Variants in TNKS2 observed in about 807,000 individuals in gnomAD.
TNKS2 encodes tankyrase 2.
In TNKS2, 72 loss-of-function variants were observed where a neutral mutation model predicts 137.6. The ratio of observed to expected loss-of-function variants is 0.52; its 90% confidence interval spans 0.43 to 0.64. TNKS2 has a LOEUF of 0.64. TNKS2 is among the 30% of genes least tolerant of loss of function. TNKS2 has a pLI of 0.00. For synonymous variants in TNKS2, 516 were observed against 512.1 expected, an observed-to-expected ratio of 1.01 and a Z score of -0.10; for missense variants, 1,049 against 1,410.2, an observed-to-expected ratio of 0.74 and a Z score of 4.10.
chr10:91,862,909 A>G (rs753824099), intron 26 of TNKS2, 28 bp from the exon 27 acceptor site: 5 of 1,543,132 alleles, frequency 3.2e-6, no homozygotes, highest in East Asian at 2.2e-5. Context: ...TTTTTGTACC[A>G]TTATTTGAAT....
chr10:91,799,821 TC>T (rs1045382528), intron 1 of TNKS2, among the ~76,000 whole-genome samples: 2 of 152,226 alleles, frequency 1.3e-5, no homozygotes, highest in African/African-American at 4.8e-5. Context: ...GAGTACCTCC[TC>T]TTACCTCTGA....
At chr10:91,832,624 G>T (rs1201327692) in intron 11 of TNKS2, among the ~76,000 whole-genome samples, 1 of 152,034 alleles carries the variant, frequency 6.6e-6, no homozygotes, top group Non-Finnish European at 1.5e-5. Context: ...GTTCATTGAG[G>T]TCTTGATTAT....
At chr10:91,858,386 G>T (rs968639186) in intron 24 of TNKS2, among the ~76,000 whole-genome samples, 2 of 152,008 alleles carry the variant, frequency 1.3e-5, no homozygotes, top group Non-Finnish European at 1.5e-5. Context: ...TTATAATATG[G>T]TTTTTCTAAT....
Position 91,848,608 on chromosome 10 carries a change from G to A in TNKS2, c.2584G>A (p.Gly862Ser), listed in dbSNP as rs1250224983. The A allele has an allele frequency of 3.7e-6, 6 of 1,614,058 alleles. No individual in the cohort carries two copies. The highest frequency in any genetic ancestry group is 5.1e-6 in the Non-Finnish European group (6 of 1,179,994). The part of the protein sequence containing the change: ...SSVVSSSGTE[G>S]ASSLEKKEVP... ...AGTAGTTAGTTCAAGTGGAACAGAG[G>A]GTGCTTCCAGTTTGGAGAAAAAGGA... Residue 862 changes from glycine (G) to serine (S), a missense_variant, in exon 19 of 27, where the codon GGT becomes AGT. Physicochemically the swap from Gly to Ser is moderately conservative, Grantham distance 56 (BLOSUM62 0). Transcript: ENST00000371627.
rs752987313 is a variant in TNKS2 at position 91,844,934 on chromosome 10, T to C, written c.2075T>C (p.Leu692Ser). 6.2e-7 allele frequency: 1 copy of C among 1,609,390 alleles called. No individual in the cohort carries two copies. The highest frequency in any genetic ancestry group is 8.5e-7 in the Non-Finnish European group (1 of 1,178,002). ...TCTAAATTAGCTGGTTATAATAATT[T>C]AGAAGTTGCAGAGTATTTGTTACAA... ...PLHLAAGYNN[L>S]EVAEYLLQHG... The change falls in exon 17 of 27, where the codon TTA becomes TCA. Residue 692 changes from leucine (L) to serine (S), a missense_variant. Transcript: ENST00000371627.
intron 23 of TNKS2, among the ~76,000 whole-genome samples, chr10:91,856,903 A>G (rs562408835): frequency 4.1e-4 from 62 of 149,412 alleles, no homozygotes; most frequent in African/African-American, 1.4e-3. Flanking sequence ...AAATACTCCT[A>G]ATGAGACTGA....
chr10:91,848,273 G>A (rs1842439995), intron 18 of TNKS2, 110 bp from the exon 19 acceptor site: 2 of 1,201,004 alleles, frequency 1.7e-6, no homozygotes, highest in Non-Finnish European at 2.3e-6. Context: ...CATTGTGATA[G>A]TACTGGCACA....
intron 11 of TNKS2, among the ~76,000 whole-genome samples, chr10:91,832,055 A>G (rs1845267884): frequency 1.3e-5 from 2 of 152,172 alleles, no homozygotes; most frequent in South Asian, 4.1e-4. Context: ...CATTCAAGGA[A>G]CGATTTAGAG....
At chr10:91,810,938 T>C (rs1387216653) in intron 1 of TNKS2, among the ~76,000 whole-genome samples, 2 of 129,774 alleles carry the variant, frequency 1.5e-5, no homozygotes, top group Non-Finnish European at 3.3e-5. Flanking sequence ...TTTTTTTTTT[T>C]TTTTTGAGAT....
intron 1 of TNKS2, among the ~76,000 whole-genome samples, chr10:91,811,180 TC>T (rs1299124047): frequency 6.6e-6 from 1 of 152,038 alleles, no homozygotes; most frequent in African/African-American, 2.4e-5. Flanking sequence ...CACCTGGGCC[TC>T]CCAAAGTGCT....
At chr10:91,822,247 C>T (rs1342773955) in intron 6 of TNKS2, 49 bp from the exon 7 acceptor site, 7 of 1,433,984 alleles carry the variant, frequency 4.9e-6, no homozygotes, top group African/African-American at 2.8e-5. Context: ...TTTCCCTAGG[C>T]CTAAGAAATC....
chr10:91,835,592 C>CTTTTTTTTT (rs35247985), intron 12 of TNKS2, among the ~76,000 whole-genome samples: 1 of 109,428 alleles, frequency 9.1e-6, no homozygotes, highest in Non-Finnish European at 1.8e-5. Flanking sequence ...CCCGGCCTTT[C>CTTTTTTTTT]TTTTTTTTTT....
chr10:91,848,586 A>C lies in TNKS2; in HGVS notation c.2562A>C (p.Val854=). 6.2e-7 allele frequency: 1 copy of C among 1,614,194 alleles called. No homozygotes were observed. ...GGAGTTTTTCAGAACTGTCTTCAGT[A>C]GTTAGTTCAAGTGGAACAGAGGGTG... is the stretch of plus-strand genomic sequence containing the variant. The part of the protein sequence containing the change: ...LSGSFSELSS[V]VSSSGTEGAS... The change falls in exon 19 of 27, where the codon GTA becomes GTC. Residue 854 remains valine, a synonymous_variant. Transcript: ENST00000371627.
chr10:91,831,303 C>T (rs1440873754), intron 11 of TNKS2, 122 bp downstream of exon 11: 1 of 916,378 alleles, frequency 1.1e-6, no homozygotes, highest in Non-Finnish European at 1.7e-6. Context: ...TCCTTATAAT[C>T]TATGCTTAAG....
At chr10:91,800,349 A>G (rs990221485) in intron 1 of TNKS2, among the ~76,000 whole-genome samples, 1 of 152,234 alleles carries the variant, frequency 6.6e-6, no homozygotes, top group Non-Finnish European at 1.5e-5. Flanking sequence ...ACATAAGCCA[A>G]AGGGTAGGGT....
chr10:91,823,607 C>T (rs1229097074), intron 7 of TNKS2, among the ~76,000 whole-genome samples: 2 of 152,058 alleles, frequency 1.3e-5, no homozygotes, highest in African/African-American at 4.8e-5. Flanking sequence ...GATTAACAGA[C>T]GTGAGCCACC....
chr10:91,842,463 C>G (rs1842238896), intron 16 of TNKS2, 72 bp downstream of exon 16: 1 of 1,422,990 alleles, frequency 7.0e-7, no homozygotes, highest in African/African-American at 1.4e-5. Context: ...AAAATATTTT[C>G]TGTAACTAAA....
intron 21 of TNKS2, among the ~76,000 whole-genome samples, chr10:91,852,244 T>C (rs572586091): frequency 3.7e-5 from 5 of 136,586 alleles, no homozygotes; most frequent in Non-Finnish European, 6.3e-5. Context: ...AATAAATAAA[T>C]AATATAAAAA....
At chr10:91,801,436 A>G (rs1844163113) in intron 1 of TNKS2, among the ~76,000 whole-genome samples, 1 of 151,954 alleles carries the variant, frequency 6.6e-6, no homozygotes, top group Admixed American at 6.6e-5. Context: ...TCCGCCTGCC[A>G]CTGCCCCCGA....
Sources: allele counts gnomAD v4.1 joint callset (sites outside exome capture counted in the v4.1 genomes callset), GRCh38; gene constraint gnomAD v4.1.1; transcripts MANE v1.5; gene names NCBI Gene and HGNC (gene_info 2026-07-23, HGNC 2026-07-21).